SLC38A1: variants seen among roughly 807,000 people sequenced by gnomAD.
SLC38A1 encodes the protein sodium-coupled neutral amino acid symporter 1.
In SLC38A1, 18 loss-of-function variants were observed where a neutral mutation model predicts 60.3. That is an observed-to-expected ratio of 0.30 (90% CI 0.21 to 0.44). The LOEUF (loss-of-function observed/expected upper bound fraction) is 0.44, where lower values mean the gene tolerates loss of function less well. Ranked by LOEUF, SLC38A1 falls within the 20% of genes least tolerant of loss-of-function variation. The pLI, the probability that SLC38A1 is intolerant of heterozygous loss-of-function variation, is 1.00. For synonymous variants in SLC38A1, 196 were observed against 212.1 expected (o/e 0.92, Z 0.66); for missense variants, 448 against 587.2 (o/e 0.76, Z 2.45).
intron 5 of SLC38A1, among the ~76,000 whole-genome samples, chr12:46,218,171 C>T (rs551758142): frequency 9.0e-4 from 137 of 152,238 alleles, no homozygotes; most frequent in Non-Finnish European, 1.3e-3. Flanking sequence ...CTGTTTTTAA[C>T]CTATAGTGGG....
chr12:46,198,613 G>C lies in SLC38A1; in HGVS notation c.1122+12C>G. On this transcript the variant is annotated intron_variant, in intron 14 of 16. Coordinates refer to ENST00000398637, the MANE Select transcript of SLC38A1 (RefSeq NM_030674.4). ...TCAGCTTTTCTCATATTGCACAGAG[G>C]CCCTTACTCACCGTGAAAAATAACA... is the stretch of plus-strand genomic sequence containing the variant. 2.6e-6 allele frequency: 4 copies of C among 1,566,148 alleles called. No individual in the cohort carries two copies. Among genetic ancestry groups the C allele is most frequent in the Non-Finnish European group, 3.5e-6 (4 of 1,143,652 alleles).
At chr12:46,213,773 AT>A (rs1375295181) in intron 5 of SLC38A1, among the ~76,000 whole-genome samples, 1 of 152,178 alleles carries the variant, frequency 6.6e-6, no homozygotes, top group Admixed American at 6.5e-5. Context: ...TAATCTTTTT[AT>A]TTTATTGCTT....
chr12:46,196,490 T>A (rs1175222329), intron 16 of SLC38A1, among the ~76,000 whole-genome samples: 1 of 152,184 alleles, frequency 6.6e-6, no homozygotes, highest in African/African-American at 2.4e-5. Context: ...TTAATCTGAA[T>A]ATATTGTCCT....
At chr12:46,207,400 C>T in intron 7 of SLC38A1, 129 bp downstream of exon 7, 5 of 1,078,872 alleles carry the variant, frequency 4.6e-6, no homozygotes, top group Non-Finnish European at 2.8e-6. Flanking sequence ...ACTGCTGTCT[C>T]TGCTTTACTT....
intron 5 of SLC38A1, among the ~76,000 whole-genome samples, chr12:46,227,241 A>G (rs1940903499): frequency 6.6e-6 from 1 of 152,182 alleles, no homozygotes; most frequent in South Asian, 2.1e-4. Context: ...GAATAAAAAT[A>G]TTTTTCAGAA....
intron 5 of SLC38A1, among the ~76,000 whole-genome samples, chr12:46,228,441 G>C (rs554070746): frequency 6.6e-6 from 1 of 152,260 alleles, no homozygotes; most frequent in East Asian, 1.9e-4. Flanking sequence ...GGAACAAAAG[G>C]CAAGATCCTC....
intron 5 of SLC38A1, among the ~76,000 whole-genome samples, 176 bp downstream of exon 5, chr12:46,228,977 G>A (rs1940968229): frequency 6.6e-6 from 1 of 152,148 alleles, no homozygotes; most frequent in South Asian, 2.1e-4. Flanking sequence ...TTTGTTGTAA[G>A]CATTAGGTAC....
rs1592169950 is a variant in SLC38A1, at chr12:46,268,568, T to G, written c.-251A>C. 1 of 174,212 alleles carries G rather than the reference T, an allele frequency of 5.7e-6. No homozygotes were observed. The highest frequency in any genetic ancestry group is 9.4e-5 in the South Asian group (1 of 10,684). 10.8% of individuals were successfully genotyped at this position (174,212 alleles called of 1,614,324 possible). A position where few individuals can be genotyped will look rare whatever the true frequency, so the allele number is the denominator to read the frequency against. On this transcript the variant is annotated 5_prime_UTR_variant, in exon 1 of 17. Transcript: ENST00000398637. The surrounding 1 kb of genome is among the most constrained non-coding windows in gnomAD (Gnocchi z 4.4). ...AAGGTGGCAAAAGGCGATGTGGAGG[T>G]GTCCGCCCTTCCGGGGTTTTTACCC...
Position 46,209,078 on chromosome 12 carries a change from G to A in SLC38A1, c.364C>T (p.Leu122=), listed in dbSNP as rs369260953. 2.5e-6 allele frequency: 4 copies of A among 1,611,552 alleles called. No homozygotes were observed. In the African/African-American group the frequency reaches 4.0e-5, roughly 16 times the overall value. Residue 122 remains leucine (L), a synonymous_variant, in exon 6 of 17, where the codon CTA becomes TTA. Transcript: ENST00000398637. The part of the protein sequence containing the change: ...TLLSIYSINL[L]LICSKETGCM... ...CCTGTTTCTTTTGAACAGATCAATA[G>A]GAGGTTTATTGAATATATAGACAGC... is the stretch of plus-strand genomic sequence containing the variant.
In SLC38A1 at chr12:46,262,102, G is replaced by A. The variant is rs114585700; in HGVS notation, c.-209+6424C>T. Among the ~76,000 whole-genome samples the A allele has an allele frequency of 7.0e-3, 1,064 of 152,290 alleles. 11 individuals are homozygous for A. The highest frequency in any genetic ancestry group is 0.023 in the African/African-American group (966 of 41,548). On this transcript the variant is annotated intron_variant, in intron 1 of 16. Transcript: ENST00000398637. ...TCTTTGTGGGGCATGGAGATGAACC[G>A]CTAACTTCCTTGGACAAATTGCCCA...
At chr12:46,227,491 T>C (rs780189842) in intron 5 of SLC38A1, among the ~76,000 whole-genome samples, 1 of 152,168 alleles carries the variant, frequency 6.6e-6, no homozygotes, top group Admixed American at 6.5e-5. Flanking sequence ...CATAGAGTTA[T>C]TGTAAGGATT....
At chr12:46,247,774 G>A (rs1941672598) in intron 1 of SLC38A1, among the ~76,000 whole-genome samples, 1 of 152,150 alleles carries the variant, frequency 6.6e-6, no homozygotes, top group South Asian at 2.1e-4. Flanking sequence ...AATGTTAAGG[G>A]CAGCCAGAGA....
At position 46,185,236 on chromosome 12, in the gene SLC38A1, G is replaced by A. The variant is rs535703807; in HGVS notation, c.*3734C>T. ...GAATCTGCATTCTAATGAGGTCCCC[G>A]ATGATGCTGATGCTACTGGTCTAGG... On this transcript the variant is annotated 3_prime_UTR_variant, in exon 17 of 17. Coordinates refer to ENST00000398637, the MANE Select transcript of SLC38A1 (RefSeq NM_030674.4). 3.9e-5 allele frequency: 6 copies of A among 152,304 alleles called. No homozygotes were observed. The highest frequency in any genetic ancestry group is 6.8e-3 in the Middle Eastern group (2 of 294). 9.4% of individuals were successfully genotyped at this position (152,304 alleles called of 1,614,324 possible). A position where few individuals can be genotyped will look rare whatever the true frequency, so the allele number is the denominator to read the frequency against.
At chr12:46,197,118 A>G (rs1939412737) in intron 16 of SLC38A1, among the ~76,000 whole-genome samples, 1 of 152,154 alleles carries the variant, frequency 6.6e-6, no homozygotes. Flanking sequence ...ACTGTCCTAT[A>G]GAGACACAGG....
chr12:46,234,243 A>G (rs1056859821), intron 3 of SLC38A1, among the ~76,000 whole-genome samples: 16 of 152,172 alleles, frequency 1.1e-4, no homozygotes, highest in African/African-American at 3.9e-4. Flanking sequence ...GTACCTAACC[A>G]CACATTAGCA....
chr12:46,212,080 T>C (rs1940195557), intron 5 of SLC38A1, among the ~76,000 whole-genome samples: 1 of 152,206 alleles, frequency 6.6e-6, no homozygotes, highest in Non-Finnish European at 1.5e-5. Flanking sequence ...TAATAGAACC[T>C]AGAAAGGGTT....
intron 3 of SLC38A1, among the ~76,000 whole-genome samples, chr12:46,233,394 G>A (rs1192545240): frequency 1.3e-5 from 2 of 152,124 alleles, no homozygotes; most frequent in Non-Finnish European, 2.9e-5. Context: ...TGCCTTTCTT[G>A]TGGAGGGACT....
intron 1 of SLC38A1, among the ~76,000 whole-genome samples, chr12:46,260,799 C>T (rs984934691): frequency 2.0e-5 from 3 of 152,148 alleles, no homozygotes; most frequent in Non-Finnish European, 4.4e-5. Context: ...TTTCCTTTCC[C>T]TTATTCCTTA....
chr12:46,208,457 T>G lies in SLC38A1; in HGVS notation c.388+597A>C, dbSNP rs566978086. Among the ~76,000 whole-genome samples the G allele has an allele frequency of 2.0e-5, 3 of 152,338 alleles. No individual in the cohort carries two copies. The East Asian group carries it at 5.8e-4, about 29-fold the overall frequency. ...TAGCTCCTCAATTTATTATAAAATG[T>G]TCCAGTTAAATGGAGTCATGTATAT... On this transcript the variant is annotated intron_variant, in intron 6 of 16. Coordinates refer to ENST00000398637, the MANE Select transcript of SLC38A1 (RefSeq NM_030674.4).
Sources: allele counts gnomAD v4.1 joint callset (sites outside exome capture counted in the v4.1 genomes callset), GRCh38; gene constraint gnomAD v4.1.1; non-coding constraint Gnocchi (gnomAD v3.1); transcripts MANE v1.5; gene names NCBI Gene and HGNC (gene_info 2026-07-23, HGNC 2026-07-21).